The following MACF1 variants were observed in gnomAD, a reference collection of about 807,000 sequenced individuals.
MACF1 encodes the protein microtubule-actin cross-linking factor 1.
MACF1 carries 193 observed loss-of-function variants against 854.8 expected under a neutral mutation model. The observed-to-expected ratio is 0.23, with a 90% CI of 0.20 to 0.25. MACF1 has a LOEUF of 0.25. Ranked by LOEUF, MACF1 falls within the 10% of genes least tolerant of loss-of-function variation. The pLI, the probability that MACF1 is intolerant of heterozygous loss-of-function variation, is 1.00. For missense variants in MACF1, 7,722 were observed against 8,929.1 expected (o/e 0.86, Z 5.45); for synonymous variants, 3,185 against 3,226.7 (o/e 0.99, Z 0.44).
intron 2 of MACF1, among the ~76,000 whole-genome samples, chr1:39,113,976 TAG>T (rs1200609090): frequency 1.3e-5 from 2 of 151,592 alleles, no homozygotes; most frequent in Non-Finnish European, 2.9e-5. Context: ...GTGGAGGTTG[TAG>T]AGAGCCCAGA....
chr1:39,324,870 C>T (rs2148458114), intron 35 of MACF1, 136 bp downstream of exon 35: 4 of 594,318 alleles, frequency 6.7e-6, no homozygotes, highest in East Asian at 2.7e-5. Flanking sequence ...GTAGTTCATA[C>T]GGAGGAGTTT....
At chr1:39,360,015 ATATATATATATATATATAT>A (rs1648000373) in intron 47 of MACF1, among the ~76,000 whole-genome samples, 6 of 31,972 alleles carry the variant, frequency 1.9e-4, no homozygotes, top group Non-Finnish European at 2.7e-4. Context: ...AAAAAAAAAT[ATATATATATATATATATAT>A]ATATATATAT....
chr1:39,185,238 G>A (rs1644151518), intron 2 of MACF1, among the ~76,000 whole-genome samples: 1 of 150,182 alleles, frequency 6.7e-6, no homozygotes, highest in African/African-American at 2.5e-5. Flanking sequence ...CTTGCAGTGA[G>A]CCGACATGGC....
chr1:39,277,548 A>C (rs144475720), intron 6 of MACF1, among the ~76,000 whole-genome samples: 4 of 152,294 alleles, frequency 2.6e-5, no homozygotes, highest in Non-Finnish European at 5.9e-5. Flanking sequence ...TTATCTGGGA[A>C]AATATTTGGG....
intron 32 of MACF1, 85 bp downstream of exon 32, chr1:39,322,800 C>T (rs1395847669): frequency 6.6e-7 from 1 of 1,520,136 alleles, no homozygotes; most frequent in African/African-American, 1.4e-5. Context: ...TGATTTAGGG[C>T]TCACTTTTCT....
chr1:39,440,913 C>A, intron 72 of MACF1, 90 bp from the exon 73 acceptor site: 1 of 1,302,762 alleles, frequency 7.7e-7, no homozygotes, highest in Non-Finnish European at 1.1e-6. Flanking sequence ...TGAGCATCTG[C>A]TATTGATGGG....
intron 2 of MACF1, among the ~76,000 whole-genome samples, chr1:39,145,356 C>T (rs1258041883): frequency 6.6e-6 from 1 of 152,158 alleles, no homozygotes; most frequent in Admixed American, 6.6e-5. Flanking sequence ...GTCCTTACCA[C>T]ATTCCCTCCT....
chr1:39,393,933 C>T (rs1341275091), intron 58 of MACF1, among the ~76,000 whole-genome samples: 1 of 151,910 alleles, frequency 6.6e-6, no homozygotes, highest in Non-Finnish European at 1.5e-5. Flanking sequence ...AAAGAACGAA[C>T]GAACGAACAA....
At chr1:39,247,174 G>A (rs964525139) in intron 2 of MACF1, among the ~76,000 whole-genome samples, 5 of 143,866 alleles carry the variant, frequency 3.5e-5, no homozygotes, top group African/African-American at 7.7e-5. Flanking sequence ...CCGAGTTCAC[G>A]CCATTCTCCT....
rs1809696 is a variant in MACF1 at position 39,409,131 on chromosome 1, G to C, written c.15817-13243G>C. ...CGCGCTGCGCGGGGGAGGAGGACTC[G>C]CCCCCCGCCCGACCCTAGCGGAGCC... is the stretch of plus-strand genomic sequence containing the variant. On this transcript the variant is annotated intron_variant, in intron 58 of 100. Transcript: ENST00000564288. The surrounding 1 kb of genome is among the most constrained non-coding windows in gnomAD (Gnocchi z 4.2). 6.6e-6 allele frequency among the ~76,000 whole-genome samples: 1 copy of C among 151,942 alleles called. No homozygotes were observed. The highest frequency in any genetic ancestry group is 1.5e-5 in the Non-Finnish European group (1 of 67,954).
intron 50 of MACF1, 99 bp downstream of exon 50, chr1:39,368,413 G>T: frequency 1.6e-6 from 2 of 1,270,102 alleles, no homozygotes; most frequent in Non-Finnish European, 1.1e-6. Flanking sequence ...AGAACAGATG[G>T]CATCTAAAAT....
chr1:39,476,886 C>T (rs1489057318), intron 97 of MACF1, among the ~76,000 whole-genome samples: 1 of 151,128 alleles, frequency 6.6e-6, no homozygotes, highest in Non-Finnish European at 1.5e-5. Context: ...GGGGTCAGGT[C>T]AGTGTTTTTG....
intron 2 of MACF1, among the ~76,000 whole-genome samples, chr1:39,096,679 C>T (rs540959616): frequency 1.3e-5 from 2 of 152,106 alleles, no homozygotes; most frequent in African/African-American, 4.8e-5. Context: ...TGCTCTGTTG[C>T]CCAGGCTGCA....
Position 39,442,728 on chromosome 1 carries a change from T to C in MACF1, c.19119T>C (p.Asp6373=). 1 of 1,613,838 alleles carries C rather than the reference T, an allele frequency of 6.2e-7. No individual in the cohort carries two copies. The highest frequency in any genetic ancestry group is 8.5e-7 in the Non-Finnish European group (1 of 1,180,010). ...ACATGTTTTAGGTCCTAAAAAATGATGTTTTGGCTCATCAAGCCACAGTGG... is the reference window on the plus strand; with the variant it reads ...ACATGTTTTAGGTCCTAAAAAATGACGTTTTGGCTCATCAAGCCACAGTGG... ...ELAKHHVLKN[D]VLAHQATVET... The change falls in exon 78 of 101, where the codon GAT becomes GAC. Residue 6373 remains aspartate (D), a synonymous_variant. Coordinates refer to ENST00000564288, the MANE Select transcript of MACF1 (RefSeq NM_001394062.1).
At chr1:39,424,748 A>G (rs1643669036) in intron 61 of MACF1, among the ~76,000 whole-genome samples, 2 of 152,224 alleles carry the variant, frequency 1.3e-5, no homozygotes, top group African/African-American at 4.8e-5. Flanking sequence ...TTCTCTTTTC[A>G]TAGCTATAAG....
At chr1:39,476,087 C>T (rs2124185219) in intron 97 of MACF1, among the ~76,000 whole-genome samples, 1 of 152,302 alleles carries the variant, frequency 6.6e-6, no homozygotes, top group Middle Eastern at 3.4e-3. Flanking sequence ...TGTATGTACT[C>T]ATGCTCATAG....
intron 2 of MACF1, among the ~76,000 whole-genome samples, chr1:39,176,475 A>G (rs1644030728): frequency 6.6e-6 from 1 of 152,068 alleles, no homozygotes; most frequent in Non-Finnish European, 1.5e-5. Flanking sequence ...AAATTCTGTA[A>G]TCATAGCTTC....
At position 39,389,545 on chromosome 1, in the gene MACF1, A is replaced by G. The variant is rs1569849279; in HGVS notation, c.15816+887A>G. 1.3e-5 allele frequency among the ~76,000 whole-genome samples: 2 copies of G among 151,530 alleles called. 1 individual carries two copies. The highest frequency in any genetic ancestry group is 6.8e-3 in the Middle Eastern group (2 of 292). Reference sequence around the variant, plus strand: ...TGGTTAATTTTTATATTTTTAGTAGAGATGGGGTTTCACCATATTGGCCAG... The same window carrying G: ...TGGTTAATTTTTATATTTTTAGTAGGGATGGGGTTTCACCATATTGGCCAG... On this transcript the variant is annotated intron_variant, in intron 58 of 100. Coordinates refer to ENST00000564288, the MANE Select transcript of MACF1 (RefSeq NM_001394062.1).
chr1:39,213,849 G>A (rs1278767126), intron 1 of MACF1, among the ~76,000 whole-genome samples: 1 of 152,198 alleles, frequency 6.6e-6, no homozygotes. Flanking sequence ...GGGTGACTGA[G>A]AGCTTAGTCT....
Sources: gnomAD v4.1 joint callset for allele counts (sites outside exome capture counted in the v4.1 genomes callset) on GRCh38, gnomAD v4.1.1 for gene constraint, Gnocchi (gnomAD v3.1) non-coding constraint, MANE v1.5 for transcripts, NCBI Gene and HGNC (gene_info 2026-07-23, HGNC 2026-07-21) for gene names.